CADM1: variants seen among roughly 807,000 people sequenced by gnomAD.
CADM1 encodes cell adhesion molecule 1.
CADM1 carries 15 observed loss-of-function variants against 53.1 expected under a neutral mutation model. The ratio of observed to expected loss-of-function variants is 0.28; its 90% CI spans 0.19 to 0.44. The LOEUF is 0.44. Ranked by LOEUF, CADM1 falls within the 20% of genes least tolerant of loss-of-function variation. The pLI, the probability that CADM1 is intolerant of heterozygous loss-of-function variation, is 1.00. For missense variants in CADM1, 434 were observed against 611.3 expected (o/e 0.71, Z 3.06); for synonymous variants, 281 against 243.0 (o/e 1.16, Z -1.45).
chr11:115,382,499 CTCT>C (rs543229356), intron 1 of CADM1, among the ~76,000 whole-genome samples: 48 of 152,242 alleles, frequency 3.2e-4, no homozygotes, highest in African/African-American at 1.1e-3. Flanking sequence ...AAAAGTCCCT[CTCT>C]TCTTGGCTCT....
intron 1 of CADM1, among the ~76,000 whole-genome samples, chr11:115,367,613 C>T (rs967849640): frequency 2.6e-5 from 4 of 152,170 alleles, no homozygotes; most frequent in Non-Finnish European, 4.4e-5. Flanking sequence ...ATTTCTTCCA[C>T]GTTTTTCTTT....
At chr11:115,378,420 T>C (rs570173973) in intron 1 of CADM1, among the ~76,000 whole-genome samples, 47 of 152,208 alleles carry the variant, frequency 3.1e-4, no homozygotes, top group Non-Finnish European at 4.7e-4. Context: ...GATAAGAGAA[T>C]GACAGGAAAA....
At chr11:115,439,142 G>A (rs1948250157) in intron 1 of CADM1, among the ~76,000 whole-genome samples, 1 of 152,156 alleles carries the variant, frequency 6.6e-6, no homozygotes, top group South Asian at 2.1e-4. Flanking sequence ...CCTACTTCCA[G>A]CAAAGGGCTT....
chr11:115,401,324 G>T (rs1565407978), intron 1 of CADM1, among the ~76,000 whole-genome samples: 1 of 152,162 alleles, frequency 6.6e-6, no homozygotes, highest in Non-Finnish European at 1.5e-5. Flanking sequence ...AAGATCAGGG[G>T]TTGGCCAGGC....
chr11:115,207,636 G>A (rs7942036), intron 8 of CADM1, among the ~76,000 whole-genome samples: 1 of 151,744 alleles, frequency 6.6e-6, no homozygotes, highest in Non-Finnish European at 1.5e-5. Context: ...AATGAAAAGT[G>A]TTGTTCCATA....
At position 115,219,958 on chromosome 11, in the gene CADM1, G is replaced by A. The variant is rs561521058; in HGVS notation, c.722-1967C>T. Among the ~76,000 whole-genome samples, 13 of 152,272 alleles carry A rather than the reference G, an allele frequency of 8.5e-5. No individual in the cohort carries two copies. In the South Asian group the frequency reaches 2.5e-3, roughly 29 times the overall value. On this transcript the variant is annotated intron_variant, in intron 5 of 11. Coordinates refer to ENST00000331581, the MANE Select transcript of CADM1 (RefSeq NM_001301043.2). ...ACAGCAGCACTTACTAGAGTTCCTA[G>A]TTAGGGGACCTCTATCATTCTTACC...
intron 1 of CADM1, among the ~76,000 whole-genome samples, chr11:115,436,451 G>A (rs576478094): frequency 5.1e-4 from 78 of 152,126 alleles, no homozygotes; most frequent in Middle Eastern, 3.4e-3. Context: ...GTTTTGGGGG[G>A]ACCCACCTGG....
chr11:115,289,593 C>CTTTT (rs56766047), intron 1 of CADM1, among the ~76,000 whole-genome samples: 5 of 109,032 alleles, frequency 4.6e-5, no homozygotes, highest in Non-Finnish European at 7.6e-5. Context: ...CTTTTTTTTT[C>CTTTT]TTTTTTTTTT....
At chr11:115,448,726 A>G (rs779190111) in intron 1 of CADM1, among the ~76,000 whole-genome samples, 1 of 152,158 alleles carries the variant, frequency 6.6e-6, no homozygotes, top group Non-Finnish European at 1.5e-5. Flanking sequence ...GTTACTAGCA[A>G]TATCACAAAG....
intron 1 of CADM1, among the ~76,000 whole-genome samples, chr11:115,364,523 T>G (rs1946108828): frequency 6.6e-6 from 1 of 150,894 alleles, no homozygotes; most frequent in Non-Finnish European, 1.5e-5. Context: ...TCATGCATTT[T>G]CTATAGTGGG....
At chr11:115,236,751 A>G (rs1252173239) in intron 3 of CADM1, among the ~76,000 whole-genome samples, 1 of 152,194 alleles carries the variant, frequency 6.6e-6, no homozygotes, top group Admixed American at 6.5e-5. Flanking sequence ...GGAAAAAAAA[A>G]AATTTAAAAC....
intron 1 of CADM1, among the ~76,000 whole-genome samples, chr11:115,383,180 T>C (rs1946620752): frequency 1.3e-5 from 2 of 152,214 alleles, no homozygotes; most frequent in South Asian, 4.1e-4. Context: ...TATCTGTACA[T>C]AGTATTAGTT....
chr11:115,177,582 C>T (rs897242454), intron 11 of CADM1, among the ~76,000 whole-genome samples: 1 of 151,868 alleles, frequency 6.6e-6, no homozygotes, highest in East Asian at 1.9e-4. Context: ...TTTTTTCTTG[C>T]TGCAGAGTGA....
intron 1 of CADM1, among the ~76,000 whole-genome samples, chr11:115,426,385 C>T (rs1176252076): frequency 6.6e-6 from 1 of 152,184 alleles, no homozygotes; most frequent in Non-Finnish European, 1.5e-5. Context: ...TTCCATGTCA[C>T]CCAGAGTAGG....
At chr11:115,220,427 C>A (rs1858283805) in intron 5 of CADM1, among the ~76,000 whole-genome samples, 2 of 152,136 alleles carry the variant, frequency 1.3e-5, no homozygotes. Context: ...ATTTTAAAAA[C>A]CATTTACTAA....
chr11:115,231,799 C>T (rs747774665), intron 3 of CADM1, among the ~76,000 whole-genome samples: 12 of 152,062 alleles, frequency 7.9e-5, no homozygotes, highest in Non-Finnish European at 1.3e-4. Context: ...TCAGCCTGAC[C>T]AACATGGAGA....
At position 115,289,371 on chromosome 11, in the gene CADM1, TAAAA is replaced by T. The variant is rs557965468; in HGVS notation, c.125-48955_125-48952del. ...CAGAGTGAGATTCCATCTCAAAAAA[TAAAA>T]AAATAAATAAATCAAGTTATTTATT... On this transcript the variant is annotated intron_variant, in intron 1 of 11. Coordinates refer to ENST00000331581, the MANE Select transcript of CADM1 (RefSeq NM_001301043.2). Among the ~76,000 whole-genome samples, 235 of 151,692 alleles carry T rather than the reference TAAAA, an allele frequency of 1.5e-3. 3 individuals are homozygous for T. The highest frequency in any genetic ancestry group is 0.014 in the Middle Eastern group (4 of 294).
intron 1 of CADM1, among the ~76,000 whole-genome samples, chr11:115,269,948 C>T (rs528917928): frequency 7.2e-5 from 11 of 152,122 alleles, no homozygotes; most frequent in Non-Finnish European, 1.5e-4. Flanking sequence ...ATTTGTCAAG[C>T]GGTTATTTAC....
intron 7 of CADM1, 90 bp from the exon 8 acceptor site, chr11:115,209,747 ATGTT>A (rs2134735578): frequency 4.7e-6 from 7 of 1,502,150 alleles, no homozygotes; most frequent in East Asian, 2.3e-5. Context: ...GGACATTGAG[ATGTT>A]TGTTTGATGG....
Sources: allele counts gnomAD v4.1 joint callset (sites outside exome capture counted in the v4.1 genomes callset), GRCh38; gene constraint gnomAD v4.1.1; transcripts MANE v1.5; gene names NCBI Gene and HGNC (gene_info 2026-07-23, HGNC 2026-07-21).